GLCE: variants seen among roughly 807,000 people sequenced by gnomAD.
GLCE encodes the protein glucuronic acid epimerase.
Under a neutral mutation model 47.9 loss-of-function variants are expected in GLCE, and 19 were observed. The ratio of observed to expected loss-of-function variants is 0.40; its 90% CI spans 0.28 to 0.58. The LOEUF is 0.58. GLCE is among the 20% of genes least tolerant of loss of function. The probability of loss-of-function intolerance (pLI) is 0.48; values close to 1 mark genes in which losing one functional copy is unlikely to be tolerated. For synonymous variants in GLCE, 245 were observed against 263.4 expected, an observed-to-expected ratio of 0.93 and a Z score of 0.68; for missense variants, 556 against 743.3, an observed-to-expected ratio of 0.75 and a Z score of 2.93.
chr15:69,164,066 G>A (rs2140321117), intron 1 of GLCE, among the ~76,000 whole-genome samples: 2 of 151,678 alleles, frequency 1.3e-5, no homozygotes, highest in South Asian at 4.1e-4. Context: ...TGTTTCCTGA[G>A]TTTGCAAAAG....
Position 69,268,747 on chromosome 15 carries a change from AC to A in GLCE, c.1358del (p.Thr453AsnfsTer2). ...CATGGCCCAAGGGCAAGCCATTTCT[AC>A]ATTAGTCAGGGCCTATCTGTTAACA... Reference protein sequence around the residue: ...SAMAQGQAISTLVRAYLLTKD... With the variant: ...SAMAQGQAISXLVRAYLLTKD... On this transcript the variant is annotated frameshift_variant, in exon 5 of 5. Coordinates refer to ENST00000261858, the MANE Select transcript of GLCE (RefSeq NM_015554.3). LOFTEE classifies it high-confidence loss of function. The A allele has an allele frequency of 6.2e-7, 1 of 1,614,218 alleles. No homozygotes were observed. The highest frequency in any genetic ancestry group is 8.5e-7 in the Non-Finnish European group (1 of 1,180,022).
intron 4 of GLCE, among the ~76,000 whole-genome samples, chr15:69,267,418 C>T (rs1437650004): frequency 6.6e-6 from 1 of 152,202 alleles, no homozygotes; most frequent in Non-Finnish European, 1.5e-5. Context: ...AAATTCAAAT[C>T]TGAGGTTTTT....
intron 2 of GLCE, among the ~76,000 whole-genome samples, chr15:69,216,175 G>A (rs960049481): frequency 3.3e-5 from 5 of 152,188 alleles, no homozygotes; most frequent in African/African-American, 1.2e-4. Context: ...GAAAAAACAT[G>A]TAAAACAAGA....
intron 1 of GLCE, among the ~76,000 whole-genome samples, chr15:69,201,442 C>T (rs2052075621): frequency 6.6e-6 from 1 of 151,790 alleles, no homozygotes; most frequent in African/African-American, 2.4e-5. Context: ...GTAAACAAGA[C>T]AGACATAGTA....
chr15:69,233,606 G>T (rs1318114416), intron 2 of GLCE, among the ~76,000 whole-genome samples: 2 of 152,120 alleles, frequency 1.3e-5, no homozygotes, highest in African/African-American at 4.8e-5. Flanking sequence ...TGGAGTTTCA[G>T]CACTAAGGAA....
intron 2 of GLCE, among the ~76,000 whole-genome samples, chr15:69,227,236 G>GTTACAGCCC (rs889708214): frequency 2.0e-5 from 3 of 152,138 alleles, no homozygotes; most frequent in African/African-American, 4.8e-5. Context: ...GGGAATATTT[G>GTTACAGCCC]TTACAGCCCC....
intron 2 of GLCE, among the ~76,000 whole-genome samples, chr15:69,218,272 A>G (rs2052334188): frequency 6.6e-6 from 1 of 151,964 alleles, no homozygotes; most frequent in South Asian, 2.1e-4. Context: ...CATTTTGGGA[A>G]GCTAAGGCCG....
intron 2 of GLCE, among the ~76,000 whole-genome samples, chr15:69,237,192 C>T (rs1220091109): frequency 6.6e-6 from 1 of 152,096 alleles, no homozygotes; most frequent in Non-Finnish European, 1.5e-5. Flanking sequence ...TTTCCATTAG[C>T]GTATTCTCAC....
At chr15:69,233,790 C>T (rs953942342) in intron 2 of GLCE, among the ~76,000 whole-genome samples, 2 of 152,078 alleles carry the variant, frequency 1.3e-5, no homozygotes, top group African/African-American at 4.8e-5. Flanking sequence ...ACATTTGCCA[C>T]AATTTGAAAC....
intron 1 of GLCE, among the ~76,000 whole-genome samples, chr15:69,178,078 A>G (rs1490738872): frequency 1.3e-5 from 2 of 152,174 alleles, no homozygotes; most frequent in South Asian, 2.1e-4. Flanking sequence ...GAGTCTTTAT[A>G]TGGACATATA....
intron 1 of GLCE, among the ~76,000 whole-genome samples, chr15:69,172,367 T>A (rs1387928435): frequency 6.6e-6 from 1 of 152,196 alleles, no homozygotes; most frequent in Non-Finnish European, 1.5e-5. Context: ...AAAGAACAAG[T>A]AATGACACCT....
At chr15:69,182,380 G>C (rs903872295) in intron 1 of GLCE, among the ~76,000 whole-genome samples, 1 of 149,750 alleles carries the variant, frequency 6.7e-6, no homozygotes, top group Non-Finnish European at 1.5e-5. Context: ...AGAAAATTGC[G>C]CTGAAAGAGA....
intron 1 of GLCE, among the ~76,000 whole-genome samples, chr15:69,172,972 T>C (rs2051610230): frequency 1.3e-5 from 2 of 152,264 alleles, no homozygotes; most frequent in Middle Eastern, 3.4e-3. Context: ...TTTTCAGAAG[T>C]CTGCACAAAT....
intron 2 of GLCE, among the ~76,000 whole-genome samples, chr15:69,227,670 T>C (rs1222971602): frequency 2.0e-5 from 3 of 152,248 alleles, no homozygotes; most frequent in Non-Finnish European, 4.4e-5. Flanking sequence ...GCATATATGC[T>C]GACCTTATAC....
intron 1 of GLCE, among the ~76,000 whole-genome samples, chr15:69,203,834 GTGTTGCTAAATTTACTAGCCCAAC>G (rs1270130051): frequency 4.6e-5 from 7 of 151,982 alleles, no homozygotes; most frequent in Non-Finnish European, 1.0e-4. Context: ...TAATCTGAAG[GTGTTGCTAAATTTACTAGCCCAAC>G]TGAGAAACAA....
intron 2 of GLCE, among the ~76,000 whole-genome samples, chr15:69,229,637 T>G (rs1444074148): frequency 2.0e-5 from 3 of 152,142 alleles, no homozygotes; most frequent in African/African-American, 7.2e-5. Context: ...TTTTGTTTTT[T>G]TAAAGCAGTA....
In GLCE at chr15:69,235,728, A is replaced by C. The variant is rs80103194; in HGVS notation, c.-13-20066A>C. On this transcript the variant is annotated intron_variant, in intron 2 of 4. Transcript: ENST00000261858. ...ATGACCTATTTAATTAGTTTCTTCT[A>C]TATTTTCATAGCATTTATTACTCAA... 9.8e-3 allele frequency among the ~76,000 whole-genome samples: 1,487 copies of C among 152,336 alleles called. 26 individuals are homozygous for C. The highest frequency in any genetic ancestry group is 0.034 in the African/African-American group (1,420 of 41,582).
chr15:69,237,695 A>G (rs193167796), intron 2 of GLCE, among the ~76,000 whole-genome samples: 4 of 152,318 alleles, frequency 2.6e-5, no homozygotes, highest in African/African-American at 7.2e-5. Context: ...TAAAATTACT[A>G]TAAGCAGGCT....
At chr15:69,208,772 T>C (rs2052185909) in intron 1 of GLCE, among the ~76,000 whole-genome samples, 1 of 152,086 alleles carries the variant, frequency 6.6e-6, no homozygotes, top group Non-Finnish European at 1.5e-5. Flanking sequence ...TCTTTCTACT[T>C]ACTCAGATTT....
Sources: allele counts gnomAD v4.1 joint callset (sites outside exome capture counted in the v4.1 genomes callset), GRCh38; gene constraint gnomAD v4.1.1; transcripts MANE v1.5; gene names NCBI Gene and HGNC (gene_info 2026-07-23, HGNC 2026-07-21).